The following RIC1 variants were observed in gnomAD, a reference collection of about 807,000 sequenced individuals.
RIC1 encodes RIC1 partner of RAB6A GEF complex.
A neutral mutation model predicts 169.0 loss-of-function variants in RIC1; 88 were observed. The observed-to-expected ratio is 0.52, with a 90% CI of 0.44 to 0.62. The LOEUF is 0.62. Among genes scored for constraint, RIC1 ranks in the 20% least tolerant of loss-of-function variants. RIC1 has a pLI of 0.00. For missense variants in RIC1, 1,877 were observed against 1,725.5 expected (o/e 1.09, Z -1.56); for synonymous variants, 790 against 601.5 (o/e 1.31, Z -4.59).
intron 2 of RIC1, among the ~76,000 whole-genome samples, chr9:5,676,734 G>A (rs1586925944): frequency 1.3e-5 from 2 of 152,248 alleles, no homozygotes; most frequent in South Asian, 2.1e-4. Flanking sequence ...CAAAACCAAC[G>A]ACTGATCTGC....
intron 7 of RIC1, 82 bp from the exon 8 acceptor site, chr9:5,738,368 G>A: frequency 3.2e-6 from 3 of 936,416 alleles, no homozygotes; most frequent in Non-Finnish European, 4.9e-6. Flanking sequence ...ACTCCCACCA[G>A]CAAAACATAA....
intron 3 of RIC1, among the ~76,000 whole-genome samples, chr9:5,692,553 A>G (rs920225375): frequency 3.9e-5 from 6 of 152,064 alleles, no homozygotes; most frequent in African/African-American, 9.7e-5. Context: ...AAAATCTCTT[A>G]TATGAAAATA....
intron 1 of RIC1, among the ~76,000 whole-genome samples, chr9:5,645,978 T>C (rs1818490739): frequency 1.3e-5 from 2 of 151,800 alleles, no homozygotes; most frequent in African/African-American, 4.8e-5. Flanking sequence ...AATTTTGCTT[T>C]TTTTTTTAAT....
At chr9:5,658,836 T>A (rs10975215) in intron 2 of RIC1, among the ~76,000 whole-genome samples, 44,704 of 150,900 alleles carry the variant, frequency 0.3, 7,819 homozygotes, top group East Asian at 0.59. Flanking sequence ...TTTTTTTTTT[T>A]ACCGAGACTG....
intron 1 of RIC1, among the ~76,000 whole-genome samples, chr9:5,641,255 C>G (rs1409151119): frequency 6.6e-6 from 1 of 151,880 alleles, no homozygotes; most frequent in Non-Finnish European, 1.5e-5. Context: ...CCACACCCGG[C>G]TAATTTTTTG....
At chr9:5,734,138 G>A (rs1053756681) in intron 7 of RIC1, among the ~76,000 whole-genome samples, 3 of 147,674 alleles carry the variant, frequency 2.0e-5, no homozygotes, top group Non-Finnish European at 3.0e-5. Flanking sequence ...AGACAGTCTC[G>A]CTCTGTCGCC....
intron 1 of RIC1, among the ~76,000 whole-genome samples, chr9:5,631,317 G>T (rs1248513851): frequency 6.6e-6 from 1 of 152,116 alleles, no homozygotes; most frequent in African/African-American, 2.4e-5. Flanking sequence ...TTGTGCAAAA[G>T]TTAGGCTGTA....
intron 2 of RIC1, among the ~76,000 whole-genome samples, chr9:5,660,019 C>CT (rs1819353050): frequency 6.6e-6 from 1 of 152,154 alleles, no homozygotes; most frequent in African/African-American, 2.4e-5. Context: ...CCTCCATCCT[C>CT]TAACAGACCC....
intron 2 of RIC1, among the ~76,000 whole-genome samples, chr9:5,663,117 T>C (rs1819553599): frequency 6.6e-6 from 1 of 152,198 alleles, no homozygotes; most frequent in Non-Finnish European, 1.5e-5. Context: ...GGCTGTTCAA[T>C]TTCCATGTAG....
intron 12 of RIC1, among the ~76,000 whole-genome samples, chr9:5,752,430 A>G (rs10975271): frequency 0.013 from 1,961 of 151,640 alleles, 31 homozygotes; most frequent in East Asian, 0.063. Flanking sequence ...GCATAATTTC[A>G]TAAGTTTTTT....
In RIC1 at chr9:5,775,924, G is replaced by C. The variant is rs1443278414; in HGVS notation, c.*1678G>C. On this transcript the variant is annotated 3_prime_UTR_variant, in exon 26 of 26. Coordinates refer to ENST00000414202, the MANE Select transcript of RIC1 (RefSeq NM_020829.4). ...CCCTGAATCTTAAAGATAATGTTTT[G>C]CATGTGAGTACATGCAGCCCAGCAA... 1 of 151,994 alleles carries C rather than the reference G, an allele frequency of 6.6e-6. No homozygotes were observed. The highest frequency in any genetic ancestry group is 1.9e-4 in the East Asian group (1 of 5,192). The allele number at this position is 151,994 out of a possible 1,614,324, so 9.4% of individuals were successfully genotyped here.
intron 2 of RIC1, among the ~76,000 whole-genome samples, chr9:5,664,217 G>C (rs938211243): frequency 2.0e-5 from 3 of 151,996 alleles, no homozygotes; most frequent in African/African-American, 7.3e-5. Context: ...ACACCATCCT[G>C]GCCAACATTG....
chr9:5,719,364 T>C (rs955514145), intron 4 of RIC1: 1 of 152,236 alleles, frequency 6.6e-6, no homozygotes, highest in African/African-American at 2.4e-5. Context: ...AAGAAGTAAA[T>C]GCTGAATATC....
At chr9:5,709,224 G>A (rs1297336114) in intron 3 of RIC1, among the ~76,000 whole-genome samples, 1 of 152,138 alleles carries the variant, frequency 6.6e-6, no homozygotes, top group African/African-American at 2.4e-5. Context: ...GCAGGAAACT[G>A]CAGTTCTGCC....
intron 3 of RIC1, among the ~76,000 whole-genome samples, chr9:5,702,475 G>T (rs1822282512): frequency 6.6e-6 from 1 of 152,162 alleles, no homozygotes; most frequent in Non-Finnish European, 1.5e-5. Flanking sequence ...GGAAGCCGGG[G>T]AGAGGTGCTA....
At position 5,738,566 on chromosome 9, in the gene RIC1, T is replaced by TA. The variant is rs35050666; in HGVS notation, c.901+30dup. ...GAGTCTTTTTTTTTTTTTTTTTTTTTAACATTTTTAATGTACTGGTATTGC... is the reference window on the plus strand; with the variant it reads ...GAGTCTTTTTTTTTTTTTTTTTTTTTAAACATTTTTAATGTACTGGTATTGC... On this transcript the variant is annotated intron_variant, in intron 8 of 25. Coordinates refer to ENST00000414202, the MANE Select transcript of RIC1 (RefSeq NM_020829.4). The TA allele has an allele frequency of 2.5e-5, 29 of 1,145,876 alleles. No homozygotes were observed. In the African/African-American group the frequency reaches 3.6e-4, roughly 14 times the overall value. The allele number at this position is 1,145,876 out of a possible 1,614,324, so 71.0% of individuals were successfully genotyped here.
intron 1 of RIC1, among the ~76,000 whole-genome samples, chr9:5,654,764 G>C (rs1194796440): frequency 2.0e-5 from 3 of 152,128 alleles, no homozygotes; most frequent in Admixed American, 2.0e-4. Context: ...TGTTGGCCAG[G>C]CTGGTCTTGA....
intron 1 of RIC1, among the ~76,000 whole-genome samples, chr9:5,640,743 T>C (rs1398497758): frequency 6.6e-6 from 1 of 152,210 alleles, no homozygotes; most frequent in Non-Finnish European, 1.5e-5. Flanking sequence ...TTCTTTCAGA[T>C]TGAACAACTC....
intron 3 of RIC1, among the ~76,000 whole-genome samples, chr9:5,692,213 T>C (rs952657224): frequency 1.3e-5 from 2 of 152,112 alleles, no homozygotes; most frequent in Non-Finnish European, 1.5e-5. Flanking sequence ...TGGTGTCAGA[T>C]AGACCTGAAA....
Sources: gnomAD v4.1 joint callset for allele counts (sites outside exome capture counted in the v4.1 genomes callset) on GRCh38, gnomAD v4.1.1 for gene constraint, MANE v1.5 for transcripts, NCBI Gene and HGNC (gene_info 2026-07-23, HGNC 2026-07-21) for gene names.